The following LINGO2 variants were observed in gnomAD, a reference collection of about 807,000 sequenced individuals.
The protein encoded by LINGO2 is leucine-rich repeat and immunoglobulin-like domain-containing nogo receptor-interacting protein 2.
LINGO2 carries 14 observed loss-of-function variants against 30.6 expected under a neutral mutation model. The ratio of observed to expected loss-of-function variants is 0.46; its 90% CI spans 0.30 to 0.72. The LOEUF (loss-of-function observed/expected upper bound fraction) is 0.72, where lower values mean the gene tolerates loss of function less well. Ranked by LOEUF, LINGO2 falls within the 30% of genes least tolerant of loss-of-function variation. The pLI, the probability that LINGO2 is intolerant of heterozygous loss-of-function variation, is 0.07. For missense variants in LINGO2, 729 were observed against 751.7 expected (o/e 0.97, Z 0.35); for synonymous variants, 317 against 288.5 (o/e 1.10, Z -1.00).
intron 1 of LINGO2, among the ~76,000 whole-genome samples, chr9:28,666,245 G>A (rs148384743): frequency 1.5e-4 from 23 of 152,074 alleles, no homozygotes; most frequent in Non-Finnish European, 2.8e-4. Context: ...CATAATTTTG[G>A]TAACTTCTCA....
At chr9:28,257,668 C>G (rs924039033) in intron 4 of LINGO2, among the ~76,000 whole-genome samples, 1 of 151,922 alleles carries the variant, frequency 6.6e-6, no homozygotes, top group Admixed American at 6.6e-5. Flanking sequence ...TTCAGCAATA[C>G]TCTTTGATCC....
chr9:28,788,614 C>A, the LINGO2 span, among the ~76,000 whole-genome samples: 1 of 152,076 alleles, frequency 6.6e-6, no homozygotes, highest in Non-Finnish European at 1.5e-5. Flanking sequence ...GGGGAGGCCT[C>A]AGGAAACTTA....
At chr9:29,039,629 T>G in the LINGO2 span, among the ~76,000 whole-genome samples, 1 of 152,158 alleles carries the variant, frequency 6.6e-6, no homozygotes, top group African/African-American at 2.4e-5. Context: ...CCTCATAACT[T>G]TAGTTTGCCC....
chr9:28,947,320 C>T, the LINGO2 span, among the ~76,000 whole-genome samples: 6 of 152,018 alleles, frequency 3.9e-5, no homozygotes, highest in Non-Finnish European at 8.8e-5. Context: ...TCCAAGGAGG[C>T]AGCATGGCAG....
chr9:28,515,724 C>T (rs1820595110), intron 1 of LINGO2, among the ~76,000 whole-genome samples: 6 of 152,124 alleles, frequency 3.9e-5, no homozygotes, highest in Non-Finnish European at 1.5e-5. Context: ...ATATTGGGAA[C>T]ATTGTTGAAA....
chr9:28,278,335 T>A (rs1167154663), intron 4 of LINGO2, among the ~76,000 whole-genome samples: 1 of 152,140 alleles, frequency 6.6e-6, no homozygotes. Flanking sequence ...CACCAAACAA[T>A]AGATTTTCAA....
chr9:28,580,210 G>C (rs866622067), intron 1 of LINGO2, among the ~76,000 whole-genome samples: 3 of 151,922 alleles, frequency 2.0e-5, no homozygotes, highest in Non-Finnish European at 4.4e-5. Context: ...TACCAGTACA[G>C]AATGCAATCC....
At chr9:28,209,126 C>G (rs1466028361) in intron 4 of LINGO2, among the ~76,000 whole-genome samples, 1 of 151,938 alleles carries the variant, frequency 6.6e-6, no homozygotes, top group South Asian at 2.1e-4. Context: ...AATTGTGCTG[C>G]CAATCTTTCA....
chr9:29,043,487 G>A, the LINGO2 span, among the ~76,000 whole-genome samples: 1 of 152,038 alleles, frequency 6.6e-6, no homozygotes, highest in Non-Finnish European at 1.5e-5. Context: ...TGAATCCTGC[G>A]AATCTGGGTT....
the LINGO2 span, among the ~76,000 whole-genome samples, chr9:28,945,398 A>G: frequency 6.6e-6 from 1 of 152,280 alleles, no homozygotes; most frequent in South Asian, 2.1e-4. Flanking sequence ...AAGTACGTGG[A>G]ATCAAATTCT....
intron 1 of LINGO2, among the ~76,000 whole-genome samples, chr9:28,613,214 A>G (rs1587960316): frequency 6.6e-6 from 1 of 152,252 alleles, no homozygotes; most frequent in Admixed American, 6.5e-5. Flanking sequence ...TAGCAGTTTG[A>G]AAATGGACTA....
intron 5 of LINGO2, among the ~76,000 whole-genome samples, chr9:27,982,679 G>C (rs1320722960): frequency 6.6e-6 from 1 of 151,944 alleles, no homozygotes; most frequent in South Asian, 2.1e-4. Context: ...TCTGATTAAA[G>C]AGGTTCTTCT....
chr9:28,635,374 A>G (rs1563881100), intron 1 of LINGO2, among the ~76,000 whole-genome samples: 1 of 152,212 alleles, frequency 6.6e-6, no homozygotes, highest in Non-Finnish European at 1.5e-5. Flanking sequence ...TGATATAAAA[A>G]TTTAATGATG....
chr9:28,352,036 C>T (rs937307808), intron 3 of LINGO2, among the ~76,000 whole-genome samples: 38 of 150,696 alleles, frequency 2.5e-4, no homozygotes, highest in Admixed American at 2.5e-3. Context: ...AAACCCACAG[C>T]CAATATCATA....
At chr9:28,559,299 T>G (rs1822915531) in intron 1 of LINGO2, among the ~76,000 whole-genome samples, 1 of 152,146 alleles carries the variant, frequency 6.6e-6, no homozygotes, top group African/African-American at 2.4e-5. Context: ...TCTGAAAATG[T>G]CTCAGATCTT....
chr9:28,434,184 C>A (rs1450905337), intron 2 of LINGO2, among the ~76,000 whole-genome samples: 1 of 151,398 alleles, frequency 6.6e-6, no homozygotes, highest in Non-Finnish European at 1.5e-5. Flanking sequence ...ATATAATGGA[C>A]TTTTGGGGAC....
At chr9:28,634,921 G>A (rs779016651) in intron 1 of LINGO2, among the ~76,000 whole-genome samples, 1 of 152,152 alleles carries the variant, frequency 6.6e-6, no homozygotes, top group Non-Finnish European at 1.5e-5. Flanking sequence ...GATGTGTGCT[G>A]TACCACAAGG....
At chr9:28,332,382 C>T (rs1157942645) in intron 3 of LINGO2, among the ~76,000 whole-genome samples, 1 of 152,032 alleles carries the variant, frequency 6.6e-6, no homozygotes, top group East Asian at 1.9e-4. Flanking sequence ...CCTTACCTGG[C>T]CTGAGACTCA....
At chr9:28,937,879 A>G in the LINGO2 span, among the ~76,000 whole-genome samples, 21 of 152,118 alleles carry the variant, frequency 1.4e-4, no homozygotes, top group African/African-American at 4.8e-4. Context: ...AGATTTTTGC[A>G]TCACCCAGGT....
Sources: allele counts gnomAD v4.1 joint callset (sites outside exome capture counted in the v4.1 genomes callset), GRCh38; gene constraint gnomAD v4.1.1; transcripts MANE v1.5; gene names NCBI Gene and HGNC (gene_info 2026-07-23, HGNC 2026-07-21).